Variants in HIP1 observed in about 807,000 individuals in gnomAD.
HIP1 encodes the protein huntingtin-interacting protein 1.
A neutral mutation model predicts 147.6 loss-of-function variants in HIP1; 65 were observed. The observed-to-expected ratio is 0.44, with a 90% CI of 0.36 to 0.54. HIP1 has a LOEUF of 0.54. Among genes scored for constraint, HIP1 ranks in the 20% least tolerant of loss-of-function variants. The probability of loss-of-function intolerance (pLI) is 0.00; values close to 1 mark genes in which losing one functional copy is unlikely to be tolerated. For missense variants in HIP1, 1,061 were observed against 1,299.6 expected (o/e 0.82, Z 2.82); for synonymous variants, 479 against 504.0 (o/e 0.95, Z 0.67).
chr7:75,692,426 A>AT (rs71082339), intron 1 of HIP1, among the ~76,000 whole-genome samples: 78,998 of 145,722 alleles, frequency 0.54, 21,749 homozygotes, highest in African/African-American at 0.66. Flanking sequence ...TACCTGGCTA[A>AT]TTTTTTTTTT....
intron 1 of HIP1, among the ~76,000 whole-genome samples, chr7:75,661,581 A>G (rs564857909): frequency 6.6e-6 from 1 of 151,298 alleles, no homozygotes; most frequent in East Asian, 1.9e-4. Context: ...TCAAAAAAAA[A>G]AAAAAAAAAA....
rs1554488859 is a variant in HIP1 at position 75,537,144 on chromosome 7, T to C, written c.*1028A>G. On this transcript the variant is annotated 3_prime_UTR_variant, in exon 31 of 31. Transcript: ENST00000336926. ...CGGCAGGGAAGTAGTGTTGTTGATCTCACCAGCTCCATTCAAGCATGTGAT... is the reference window on the plus strand; with the variant it reads ...CGGCAGGGAAGTAGTGTTGTTGATCCCACCAGCTCCATTCAAGCATGTGAT... The C allele has an allele frequency of 8.6e-6, 2 of 232,702 alleles. No homozygotes were observed. Among genetic ancestry groups the C allele is most frequent in the East Asian group, 6.1e-5 (1 of 16,502 alleles). The allele number at this position is 232,702 out of a possible 1,614,324, so 14.4% of individuals were successfully genotyped here. A position where few individuals can be genotyped will look rare whatever the true frequency, so the allele number is the denominator to read the frequency against.
intron 1 of HIP1, among the ~76,000 whole-genome samples, chr7:75,725,956 G>A (rs1554522305): frequency 2.6e-5 from 4 of 152,066 alleles, no homozygotes; most frequent in African/African-American, 9.6e-5. Flanking sequence ...CTGTAGCTGG[G>A]ATTACAGGCA....
chr7:75,636,668 C>T (rs1563260889), intron 1 of HIP1, among the ~76,000 whole-genome samples: 1 of 152,204 alleles, frequency 6.6e-6, no homozygotes, highest in Admixed American at 6.5e-5. Context: ...GAGCTGCAGA[C>T]GATTGTTTCT....
intron 5 of HIP1, among the ~76,000 whole-genome samples, chr7:75,585,658 TGA>T (rs1368650372): frequency 6.6e-6 from 1 of 151,852 alleles, no homozygotes; most frequent in Non-Finnish European, 1.5e-5. Flanking sequence ...CCTCAGCCTC[TGA>T]CACCCTGGCC....
chr7:75,650,265 C>T (rs12154679), intron 1 of HIP1, among the ~76,000 whole-genome samples: 19,137 of 151,916 alleles, frequency 0.13, 1,356 homozygotes, highest in Middle Eastern at 0.25. Context: ...AGCCTGGAAA[C>T]CTCGCCTCAA....
At chr7:75,573,521 C>A (rs904462332) in intron 8 of HIP1, among the ~76,000 whole-genome samples, 6 of 152,212 alleles carry the variant, frequency 3.9e-5, no homozygotes, top group Admixed American at 3.3e-4. Context: ...AAAACGGACA[C>A]CCCAAAGATC....
At chr7:75,581,088 T>A in intron 7 of HIP1, 149 bp downstream of exon 7, 1 of 629,198 alleles carries the variant, frequency 1.6e-6, no homozygotes, top group Non-Finnish European at 2.9e-6. Flanking sequence ...GTTCAGTCCC[T>A]CCCTGCACGA....
At chr7:75,613,079 C>T (rs1181179183) in intron 1 of HIP1, among the ~76,000 whole-genome samples, 1 of 143,810 alleles carries the variant, frequency 7.0e-6, no homozygotes, top group Non-Finnish European at 1.5e-5. Context: ...ACCACTCCAA[C>T]TTGGGTCACA....
intron 1 of HIP1, among the ~76,000 whole-genome samples, chr7:75,602,932 A>G (rs1400869247): frequency 4.6e-5 from 7 of 151,816 alleles, no homozygotes; most frequent in Non-Finnish European, 1.0e-4. Context: ...GTGATCCTCG[A>G]AGAAGATGTA....
chr7:75,716,626 T>C (rs1584974592), intron 1 of HIP1, among the ~76,000 whole-genome samples: 1 of 151,324 alleles, frequency 6.6e-6, no homozygotes, highest in African/African-American at 2.4e-5. Flanking sequence ...TTCACACCAT[T>C]CTCCTGCCTC....
At chr7:75,589,632 G>A (rs1554500302) in intron 4 of HIP1, among the ~76,000 whole-genome samples, 1 of 122,302 alleles carries the variant, frequency 8.2e-6, no homozygotes, top group Non-Finnish European at 1.6e-5. Context: ...GCAGTGAGCT[G>A]AGATTATGCC....
chr7:75,663,481 T>C (rs1318599306), intron 1 of HIP1, among the ~76,000 whole-genome samples: 1 of 151,914 alleles, frequency 6.6e-6, no homozygotes, highest in Non-Finnish European at 1.5e-5. Context: ...CTCCTACCCC[T>C]ACAGCAGGCG....
intron 25 of HIP1, 149 bp from the exon 26 acceptor site, chr7:75,545,337 T>C: frequency 1.6e-6 from 1 of 630,926 alleles, no homozygotes; most frequent in Non-Finnish European, 2.8e-6. Context: ...AGAAGAAGAT[T>C]CAGAGACCAA....
Position 75,738,809 on chromosome 7 carries a change from G to C in HIP1, c.112C>G (p.Arg38Gly), listed in dbSNP as rs782755488. 1.9e-6 allele frequency: 3 copies of C among 1,601,114 alleles called. No individual in the cohort carries two copies. Among genetic ancestry groups the C allele is most frequent in the African/African-American group, 1.3e-5 (1 of 74,556 alleles). Residue 38 changes from arginine (R) to glycine (G), a missense_variant, in exon 1 of 31, where the codon CGG becomes GGG. By Grantham distance (125) the Arg-to-Gly change is moderately radical. This residue lies in a region of HIP1 where 225 missense variants were observed against 292.9 expected (regional missense o/e 0.77). Coordinates refer to ENST00000336926, the MANE Select transcript of HIP1 (RefSeq NM_005338.7). ...LEAAERESFERTQTVSINKAI... is the reference protein window; with the variant it reads ...LEAAERESFEGTQTVSINKAI... ...GGGTCCCCCGTCCTCACCTGAGTCC[G>C]CTCGAAGCTCTCGCGCTCCGCCGCC...
intron 1 of HIP1, among the ~76,000 whole-genome samples, chr7:75,623,521 G>A (rs1273346806): frequency 6.6e-6 from 1 of 152,202 alleles, no homozygotes; most frequent in African/African-American, 2.4e-5. Context: ...CAGACATGTG[G>A]GTGAGGGCAG....
chr7:75,606,133 G>A (rs186284776), intron 1 of HIP1, among the ~76,000 whole-genome samples: 4,595 of 152,212 alleles, frequency 0.03, 249 homozygotes, highest in African/African-American at 0.11. Flanking sequence ...ATAGGTGTGA[G>A]ACACCATGCC....
intron 1 of HIP1, among the ~76,000 whole-genome samples, chr7:75,736,806 A>C (rs1449058354): frequency 6.6e-6 from 1 of 151,470 alleles, no homozygotes; most frequent in Non-Finnish European, 1.5e-5. Context: ...GCTTCACACC[A>C]TCCAGACACA....
intron 8 of HIP1, among the ~76,000 whole-genome samples, chr7:75,571,752 T>C (rs1795643689): frequency 6.6e-6 from 1 of 152,048 alleles, no homozygotes; most frequent in Non-Finnish European, 1.5e-5. Context: ...CTGGCTAATT[T>C]TTGTATTTTT....
Sources: allele counts gnomAD v4.1 joint callset (sites outside exome capture counted in the v4.1 genomes callset), GRCh38; gene constraint gnomAD v4.1.1; regional missense constraint gnomAD v4.1.1; transcripts MANE v1.5; gene names NCBI Gene and HGNC (gene_info 2026-07-23, HGNC 2026-07-21).